UBTD2: variants seen among roughly 807,000 people sequenced by gnomAD.
UBTD2 encodes the protein ubiquitin domain-containing protein 2.
A neutral mutation model predicts 19.8 loss-of-function variants in UBTD2; 9 were observed. The observed-to-expected ratio is 0.46, with a 90% CI of 0.27 to 0.79. UBTD2 has a LOEUF of 0.79. Ranked by LOEUF, UBTD2 falls within the 30% of genes least tolerant of loss-of-function variation. The probability of loss-of-function intolerance (pLI) is 0.14; values close to 1 mark genes in which losing one functional copy is unlikely to be tolerated. For synonymous variants in UBTD2, 98 were observed against 103.9 expected (o/e 0.94, Z 0.35); for missense variants, 250 against 300.4 (o/e 0.83, Z 1.24).
chr5:172,269,260 C>A (rs1488785047), intron 1 of UBTD2, among the ~76,000 whole-genome samples: 1 of 151,872 alleles, frequency 6.6e-6, no homozygotes, highest in Non-Finnish European at 1.5e-5. Context: ...GAGGCCAAGG[C>A]AGGTGGATCA....
intron 1 of UBTD2, among the ~76,000 whole-genome samples, chr5:172,258,747 G>C (rs973947271): frequency 3.8e-4 from 58 of 152,034 alleles, no homozygotes; most frequent in Admixed American, 3.8e-3. Flanking sequence ...TCTTGATTTA[G>C]CTCTCGGCTT....
intron 1 of UBTD2, among the ~76,000 whole-genome samples, chr5:172,263,504 T>C (rs1185559292): frequency 6.6e-6 from 1 of 152,160 alleles, no homozygotes; most frequent in Non-Finnish European, 1.5e-5. Flanking sequence ...ATTTAAAAAC[T>C]TGAGTAGGGG....
chr5:172,283,565 G>A lies in UBTD2; in HGVS notation c.70+31C>T, dbSNP rs377527983. The A allele has an allele frequency of 1.2e-4, 150 of 1,286,402 alleles. No individual in the cohort carries two copies. Among genetic ancestry groups the A allele is most frequent in the East Asian group, 7.5e-4 (24 of 32,034 alleles). The allele number at this position is 1,286,402 out of a possible 1,614,324, so 79.7% of individuals were successfully genotyped here. A position where few individuals can be genotyped will look rare whatever the true frequency, so the allele number is the denominator to read the frequency against. ...GCCGGGCCTGGCCGGGAACAATGGG[G>A]GGCCGAGGCTGCCCCCTGGCGCTCA... On this transcript the variant is annotated intron_variant, in intron 1 of 2. Coordinates refer to ENST00000393792, the MANE Select transcript of UBTD2 (RefSeq NM_152277.3). This position sits in a 1 kb window ranked among gnomAD's most constrained non-coding sequence, Gnocchi z 4.3.
intron 2 of UBTD2, among the ~76,000 whole-genome samples, chr5:172,233,545 G>A (rs1261783704): frequency 2.0e-5 from 3 of 152,144 alleles, no homozygotes; most frequent in Non-Finnish European, 2.9e-5. Context: ...ACATTCCTAC[G>A]CAAAAGAGAG....
At chr5:172,250,551 T>C (rs1581224307) in intron 1 of UBTD2, among the ~76,000 whole-genome samples, 1 of 152,244 alleles carries the variant, frequency 6.6e-6, no homozygotes, top group Non-Finnish European at 1.5e-5. Flanking sequence ...TCTTAGGAAC[T>C]GTTTCAGAGC....
chr5:172,277,071 A>T, intron 1 of UBTD2, among the ~76,000 whole-genome samples: 1 of 30,846 alleles, frequency 3.2e-5, no homozygotes, highest in South Asian at 2.6e-3. Flanking sequence ...CTGTCTCAAA[A>T]AAAAAAAAAA....
chr5:172,273,544 T>C (rs969044276), intron 1 of UBTD2, among the ~76,000 whole-genome samples: 10 of 144,144 alleles, frequency 6.9e-5, no homozygotes, highest in African/African-American at 2.7e-4. Flanking sequence ...TGAGCCGAGA[T>C]TGTACCACTG....
At chr5:172,226,441 AAAT>A (rs1419699701) in intron 2 of UBTD2, among the ~76,000 whole-genome samples, 2 of 152,322 alleles carry the variant, frequency 1.3e-5, no homozygotes, top group Admixed American at 1.3e-4. Context: ...TGTAAAGATT[AAAT>A]AATAAGCACG....
At chr5:172,212,307 T>C in intron 2 of UBTD2, 80 bp from the exon 3 acceptor site, 1 of 1,460,630 alleles carries the variant, frequency 6.8e-7, no homozygotes, top group African/African-American at 1.4e-5. Context: ...ATGCTTAAGC[T>C]TCTCTTGCTA....
chr5:172,231,960 T>C (rs1003087608), intron 2 of UBTD2, among the ~76,000 whole-genome samples: 12 of 152,116 alleles, frequency 7.9e-5, no homozygotes, highest in Non-Finnish European at 1.6e-4. Context: ...AGACTATCCA[T>C]GAAAACTGAG....
intron 2 of UBTD2, among the ~76,000 whole-genome samples, chr5:172,218,153 T>A (rs2113875074): frequency 6.6e-6 from 1 of 152,170 alleles, no homozygotes; most frequent in East Asian, 1.9e-4. Context: ...ATAATGGAAA[T>A]AAACTGGAAA....
chr5:172,255,273 C>T (rs940250353), intron 1 of UBTD2: 5 of 451,636 alleles, frequency 1.1e-5, no homozygotes, highest in Non-Finnish European at 2.2e-5. Flanking sequence ...GTATTCCATG[C>T]CACAGGCCTT....
intron 2 of UBTD2, among the ~76,000 whole-genome samples, chr5:172,217,678 G>C (rs566650488): frequency 2.6e-5 from 4 of 152,050 alleles, no homozygotes; most frequent in African/African-American, 9.7e-5. Context: ...GTAGAGGCAG[G>C]GTTTTGCCAT....
At chr5:172,214,815 A>G (rs1158992149) in intron 2 of UBTD2, among the ~76,000 whole-genome samples, 1 of 152,218 alleles carries the variant, frequency 6.6e-6, no homozygotes, top group Non-Finnish European at 1.5e-5. Context: ...AATATGCTCT[A>G]GTTTTACATT....
At chr5:172,235,770 T>TTA (rs1432452798) in intron 1 of UBTD2, among the ~76,000 whole-genome samples, 1 of 152,152 alleles carries the variant, frequency 6.6e-6, no homozygotes, top group Non-Finnish European at 1.5e-5. Flanking sequence ...CTCTGTAAGA[T>TTA]TATACAGTGC....
intron 2 of UBTD2, among the ~76,000 whole-genome samples, chr5:172,215,495 A>G (rs546351797): frequency 3.9e-5 from 6 of 152,276 alleles, no homozygotes; most frequent in African/African-American, 1.4e-4. Flanking sequence ...AAACCTCCAT[A>G]TTACCGAAGG....
chr5:172,246,751 CTTTTTTTTT>C (rs70982379), intron 1 of UBTD2, among the ~76,000 whole-genome samples: 35 of 62,492 alleles, frequency 5.6e-4, no homozygotes, highest in African/African-American at 1.8e-3. Flanking sequence ...GCCGAGATTG[CTTTTTTTTT>C]TTTTTTTTTT....
Position 172,211,640 on chromosome 5 carries a change from C to A in UBTD2, c.*190G>T, listed in dbSNP as rs1324844354. 3 of 533,318 alleles carry A rather than the reference C, an allele frequency of 5.6e-6. No homozygotes were observed. The highest frequency in any genetic ancestry group is 9.2e-6 in the Non-Finnish European group (3 of 325,352). 33.0% of individuals were successfully genotyped at this position (533,318 alleles called of 1,614,324 possible). On this transcript the variant is annotated 3_prime_UTR_variant, in exon 3 of 3. Coordinates refer to ENST00000393792, the MANE Select transcript of UBTD2 (RefSeq NM_152277.3). Reference sequence around the variant, plus strand: ...TAATTACATGAGTCTCAAAGCCTGGCTCTTTGTGTTTTATTATTTTTGTTG... The same window carrying A: ...TAATTACATGAGTCTCAAAGCCTGGATCTTTGTGTTTTATTATTTTTGTTG...
chr5:172,242,333 CATCT>C (rs1225761818), intron 1 of UBTD2: 21 of 962,242 alleles, frequency 2.2e-5, no homozygotes, highest in East Asian at 1.2e-4. Flanking sequence ...AAATTTATAT[CATCT>C]ATTATGAAGT....
Sources: allele counts gnomAD v4.1 joint callset (sites outside exome capture counted in the v4.1 genomes callset), GRCh38; gene constraint gnomAD v4.1.1; non-coding constraint Gnocchi (gnomAD v3.1); transcripts MANE v1.5; gene names NCBI Gene and HGNC (gene_info 2026-07-23, HGNC 2026-07-21).